TUT7: variants seen among roughly 807,000 people sequenced by gnomAD.
TUT7 encodes terminal uridylyl transferase 7, also known as terminal uridylyltransferase 7.
Under a neutral mutation model 165.9 loss-of-function variants are expected in TUT7, and 33 were observed. The observed-to-expected ratio is 0.20, with a 90% CI of 0.15 to 0.27. The LOEUF is 0.27. TUT7 is among the 10% of genes least tolerant of loss of function. The probability of loss-of-function intolerance (pLI) is 1.00; values close to 1 mark genes in which losing one functional copy is unlikely to be tolerated. For synonymous variants in TUT7, 552 were observed against 608.1 expected, an observed-to-expected ratio of 0.91 and a Z score of 1.36; for missense variants, 1,338 against 1,762.3, an observed-to-expected ratio of 0.76 and a Z score of 4.31.
intron 16 of TUT7, among the ~76,000 whole-genome samples, chr9:86,318,639 C>A (rs996436271): frequency 6.6e-6 from 1 of 152,186 alleles, no homozygotes; most frequent in Admixed American, 6.5e-5. Context: ...TTACAGGTAA[C>A]CTTATGTGAG....
At chr9:86,351,943 G>A (rs775936506) in intron 2 of TUT7, among the ~76,000 whole-genome samples, 7 of 151,794 alleles carry the variant, frequency 4.6e-5, no homozygotes, top group African/African-American at 9.7e-5. Context: ...TGCAGAAATC[G>A]TTGCCACATG....
At chr9:86,307,719 C>T (rs376109770) in intron 22 of TUT7, among the ~76,000 whole-genome samples, 3 of 152,226 alleles carry the variant, frequency 2.0e-5, no homozygotes, top group Admixed American at 6.5e-5. Flanking sequence ...GGTGGCCAGG[C>T]GCAGTGGCTC....
In TUT7 at chr9:86,353,296, A is replaced by G; in HGVS notation, c.-31-66T>C. 3 of 1,336,086 alleles carry G rather than the reference A, an allele frequency of 2.2e-6. No homozygotes were observed. In the South Asian group the frequency reaches 4.7e-5, roughly 21 times the overall value. 82.8% of individuals were successfully genotyped at this position (1,336,086 alleles called of 1,614,324 possible). ...AAGATATCATACAAGTATACAAAATAACAATTTATCGTACAGATGCCCCAA... is the reference window on the plus strand; with the variant it reads ...AAGATATCATACAAGTATACAAAATGACAATTTATCGTACAGATGCCCCAA... On this transcript the variant is annotated intron_variant, in intron 1 of 26. Transcript: ENST00000375963.
intron 12 of TUT7, among the ~76,000 whole-genome samples, chr9:86,325,077 A>C (rs1829670553): frequency 6.6e-6 from 1 of 152,256 alleles, no homozygotes; most frequent in Non-Finnish European, 1.5e-5. Flanking sequence ...TAAGTGGTTA[A>C]GCAATCTACA....
intron 17 of TUT7, among the ~76,000 whole-genome samples, chr9:86,313,643 C>A (rs1828436870): frequency 1.3e-5 from 2 of 152,144 alleles, no homozygotes; most frequent in African/African-American, 4.8e-5. Flanking sequence ...TATACTGAAC[C>A]TAGTGTGGGT....
intron 10 of TUT7, among the ~76,000 whole-genome samples, chr9:86,334,196 A>G (rs1015274531): frequency 4.6e-5 from 7 of 152,300 alleles, no homozygotes; most frequent in Admixed American, 3.3e-4. Context: ...AGGCTTCAGT[A>G]AGAGTACCTC....
chr9:86,298,588 T>C (rs1023379934), intron 26 of TUT7, among the ~76,000 whole-genome samples: 1 of 152,168 alleles, frequency 6.6e-6, no homozygotes, highest in African/African-American at 2.4e-5. Flanking sequence ...CACTGAAGAA[T>C]TAGCTTTAGG....
chr9:86,322,262 T>C lies in TUT7; in HGVS notation c.3028+63A>G, dbSNP rs1299727882. 6.0e-6 allele frequency: 9 copies of C among 1,502,276 alleles called. No individual in the cohort carries two copies. In the East Asian group the frequency reaches 2.0e-4, roughly 34 times the overall value. 93.1% of individuals were successfully genotyped at this position (1,502,276 alleles called of 1,614,324 possible). A position where few individuals can be genotyped will look rare whatever the true frequency, so the allele number is the denominator to read the frequency against. ...AGAGACCTAAATAGGATAGTGATTC[T>C]AAAGACTCGAGTAAATGTCAATTTA... On this transcript the variant is annotated intron_variant, in intron 14 of 26. Coordinates refer to ENST00000375963, the MANE Select transcript of TUT7 (RefSeq NM_024617.4).
At chr9:86,297,276 A>G (rs1442171578) in intron 26 of TUT7, among the ~76,000 whole-genome samples, 1 of 152,062 alleles carries the variant, frequency 6.6e-6, no homozygotes, top group African/African-American at 2.4e-5. Flanking sequence ...TGCTCTCACT[A>G]TATGCAGGCG....
intron 13 of TUT7, 59 bp downstream of exon 13, chr9:86,322,814 A>G: frequency 6.7e-7 from 1 of 1,499,066 alleles, no homozygotes; most frequent in Non-Finnish European, 8.9e-7. Flanking sequence ...AATTGAAATT[A>G]AATGCATTCA....
At chr9:86,343,220 A>G (rs1831466104) in intron 5 of TUT7, 57 bp from the exon 6 acceptor site, 2 of 1,091,274 alleles carry the variant, frequency 1.8e-6, no homozygotes, top group East Asian at 2.9e-5. Context: ...CTCAAAAGTT[A>G]TAACAAAACA....
intron 7 of TUT7, among the ~76,000 whole-genome samples, chr9:86,340,338 C>T (rs1831223304): frequency 6.6e-6 from 1 of 152,132 alleles, no homozygotes; most frequent in African/African-American, 2.4e-5. Flanking sequence ...TTATAAGTGA[C>T]TACATCATTG....
rs546856995 is a variant in TUT7 at position 86,329,532 on chromosome 9, A to C, written c.1456-1040T>G. ...GAGCGAAACTCCATCTCAAAAAAAA[A>C]AAAACAAAACAAAAAACAAACAAAA... On this transcript the variant is annotated intron_variant, in intron 10 of 26. Coordinates refer to ENST00000375963, the MANE Select transcript of TUT7 (RefSeq NM_024617.4). Among the ~76,000 whole-genome samples, 25 of 152,206 alleles carry C rather than the reference A, an allele frequency of 1.6e-4. No individual in the cohort carries two copies. The South Asian group carries it at 1.7e-3, about 10-fold the overall frequency.
chr9:86,340,193 C>G, intron 7 of TUT7, 88 bp from the exon 8 acceptor site: 1 of 1,103,970 alleles, frequency 9.1e-7, no homozygotes, highest in Admixed American at 1.9e-5. Context: ...ACCAGTTGTC[C>G]CTTAGCTGTT....
At chr9:86,334,489 C>T (rs1002254086) in intron 10 of TUT7, among the ~76,000 whole-genome samples, 1 of 152,156 alleles carries the variant, frequency 6.6e-6, no homozygotes, top group Non-Finnish European at 1.5e-5. Flanking sequence ...GGCAGGATTC[C>T]GCTCCTGGCC....
intron 2 of TUT7, among the ~76,000 whole-genome samples, chr9:86,350,870 C>T (rs180742831): frequency 3.3e-5 from 5 of 152,286 alleles, no homozygotes; most frequent in South Asian, 2.1e-4. Context: ...CGGTAGTTCA[C>T]GCCTGTAATC....
intron 11 of TUT7, among the ~76,000 whole-genome samples, chr9:86,325,770 T>C (rs1654693565): frequency 6.6e-6 from 1 of 152,226 alleles, no homozygotes; most frequent in South Asian, 2.1e-4. Flanking sequence ...CAGTTTTATT[T>C]AACCAGACAG....
chr9:86,339,769 T>A (rs760584719), intron 8 of TUT7, among the ~76,000 whole-genome samples: 5 of 152,330 alleles, frequency 3.3e-5, no homozygotes, highest in Non-Finnish European at 7.3e-5. Context: ...AAGTAACTAT[T>A]TAATAAGGCT....
intron 22 of TUT7, among the ~76,000 whole-genome samples, chr9:86,308,150 G>A (rs922779016): frequency 1.3e-5 from 2 of 152,206 alleles, no homozygotes; most frequent in African/African-American, 2.4e-5. Context: ...CAGGAAGGTT[G>A]TAGAAGTCCC....
Sources: allele counts gnomAD v4.1 joint callset (sites outside exome capture counted in the v4.1 genomes callset), GRCh38; gene constraint gnomAD v4.1.1; transcripts MANE v1.5; gene names NCBI Gene and HGNC (gene_info 2026-07-23, HGNC 2026-07-21).